IAH1: variants seen among roughly 807,000 people sequenced by gnomAD.
IAH1 encodes isoamyl acetate hydrolyzing esterase 1 (putative), also known as isoamyl acetate-hydrolyzing esterase 1 homolog.
In IAH1, 24 loss-of-function variants were observed where a neutral mutation model predicts 26.7. That is an observed-to-expected ratio of 0.90 (90% confidence interval 0.65 to 1.26). The LOEUF (loss-of-function observed/expected upper bound fraction) is 1.26, where lower values mean the gene tolerates loss of function less well. IAH1 is among the 50% of genes most tolerant of loss of function. The pLI, the probability that IAH1 is intolerant of heterozygous loss-of-function variation, is 0.00. For missense variants in IAH1, 300 were observed against 299.9 expected, an observed-to-expected ratio of 1.00 and a Z score of 0.00; for synonymous variants, 140 against 118.5, an observed-to-expected ratio of 1.18 and a Z score of -1.18.
chr2:9,508,135 C>T, the IAH1 span, among the ~76,000 whole-genome samples: 1 of 152,194 alleles, frequency 6.6e-6, no homozygotes, highest in Admixed American at 6.5e-5. Flanking sequence ...CTGACACTAT[C>T]CTCATAACCA....
the IAH1 span, chr2:9,510,230 A>G: frequency 7.8e-7 from 1 of 1,274,150 alleles, no homozygotes; most frequent in Non-Finnish European, 1.1e-6. Context: ...CCTTATAATC[A>G]GATCAACAAG....
exon 6 of IAH1, chr2:9,494,764 G>A: frequency 1.2e-6 from 2 of 1,613,900 alleles, no homozygotes; most frequent in Non-Finnish European, 8.5e-7. Context: ...GGAGTTGTCA[G>A]TTTCTGGAAC....
At chr2:9,493,808 T>C (rs756119780), downstream of IAH1, 1 of 1,613,994 alleles carries the variant, frequency 6.2e-7, no homozygotes, top group South Asian at 1.1e-5. Context: ...CATCCTGTAC[T>C]CGTTTCTCAC....
intron 6 of IAH1, among the ~76,000 whole-genome samples, chr2:9,495,669 G>A (rs139863827): frequency 0.018 from 2,703 of 150,580 alleles, 113 homozygotes; most frequent in African/African-American, 0.063. Context: ...ACCTGAGATC[G>A]CGCCACTGCA....
downstream of IAH1, among the ~76,000 whole-genome samples, chr2:9,491,642 C>G (rs762903926): frequency 6.6e-6 from 1 of 152,226 alleles, no homozygotes; most frequent in Non-Finnish European, 1.5e-5. Context: ...GCTGGAGGAA[C>G]TGGGCCTCAA....
the IAH1 span, among the ~76,000 whole-genome samples, chr2:9,510,347 T>C: frequency 6.6e-6 from 1 of 152,100 alleles, no homozygotes; most frequent in Non-Finnish European, 1.5e-5. Flanking sequence ...AGGGAGACCC[T>C]ATCTCTACAA....
the IAH1 span, among the ~76,000 whole-genome samples, chr2:9,511,377 G>A: frequency 2.7e-4 from 41 of 152,216 alleles, no homozygotes; most frequent in African/African-American, 9.1e-4. Flanking sequence ...TTGAACCCAG[G>A]AGGCGGAGGT....
chr2:9,495,646 G>A (rs1236561153), intron 6 of IAH1, among the ~76,000 whole-genome samples: 4 of 151,412 alleles, frequency 2.6e-5, no homozygotes, highest in Non-Finnish European at 4.4e-5. Flanking sequence ...CCCGGGAGGC[G>A]GAGGCTGCGG....
downstream of IAH1, among the ~76,000 whole-genome samples, chr2:9,494,351 C>T (rs1443965037): frequency 6.6e-6 from 1 of 152,096 alleles, no homozygotes; most frequent in Non-Finnish European, 1.5e-5. Flanking sequence ...TCTAGGAAAA[C>T]ATAATTAGGA....
downstream of IAH1, chr2:9,497,348 C>A: frequency 6.7e-7 from 1 of 1,488,206 alleles, no homozygotes; most frequent in Non-Finnish European, 9.0e-7. Flanking sequence ...AGCATCTTAC[C>A]TTGCAAAAGC....
chr2:9,500,152 T>TATCA (rs1662914740), downstream of IAH1, among the ~76,000 whole-genome samples: 2 of 152,194 alleles, frequency 1.3e-5, no homozygotes, highest in Non-Finnish European at 2.9e-5. Context: ...CCCAAATGTC[T>TATCA]ATCAACCAAT....
the IAH1 span, chr2:9,502,219 G>A: frequency 5.6e-5 from 90 of 1,613,934 alleles, no homozygotes; most frequent in Non-Finnish European, 6.9e-5. Flanking sequence ...TCGCCTCCTG[G>A]CACTTCTTCT....
At chr2:9,511,919 C>T in the IAH1 span, among the ~76,000 whole-genome samples, 2 of 151,636 alleles carry the variant, frequency 1.3e-5, no homozygotes, top group African/African-American at 2.4e-5. Context: ...TGCTGTGAGC[C>T]GAGATAGGCC....
At chr2:9,503,053 T>C in the IAH1 span, among the ~76,000 whole-genome samples, 11 of 146,808 alleles carry the variant, frequency 7.5e-5, 1 homozygote, top group Middle Eastern at 0.014. Flanking sequence ...GGCAGGAGAA[T>C]AGCTTGAACC....
At chr2:9,510,107 C>G in the IAH1 span, 1 of 1,614,180 alleles carries the variant, frequency 6.2e-7, no homozygotes, top group Non-Finnish European at 8.5e-7. Context: ...TGTCCCAATT[C>G]ATGAGTTGTA....
chr2:9,479,544 TC>T (rs1661031840), intron 3 of IAH1, among the ~76,000 whole-genome samples: 1 of 152,144 alleles, frequency 6.6e-6, no homozygotes, highest in South Asian at 2.1e-4. Context: ...TGAAAACTTA[TC>T]AAAAAATGCC....
At chr2:9,498,043 C>G (rs991205683), downstream of IAH1, among the ~76,000 whole-genome samples, 4 of 151,998 alleles carry the variant, frequency 2.6e-5, no homozygotes, top group African/African-American at 9.7e-5. Flanking sequence ...TTTTATTTTT[C>G]TTTTGAGACA....
At chr2:9,509,624 G>C in the IAH1 span, among the ~76,000 whole-genome samples, 1 of 152,148 alleles carries the variant, frequency 6.6e-6, no homozygotes, top group Non-Finnish European at 1.5e-5. Flanking sequence ...GTAAATTGTA[G>C]AGTTAAAATG....
the IAH1 span, among the ~76,000 whole-genome samples, chr2:9,506,016 C>G: frequency 1.3e-5 from 2 of 152,296 alleles, no homozygotes; most frequent in African/African-American, 4.8e-5. Flanking sequence ...TACAGAACCA[C>G]TAGGATAACT....
Sources: allele counts gnomAD v4.1 joint callset (sites outside exome capture counted in the v4.1 genomes callset), GRCh38; gene constraint gnomAD v4.1.1; transcripts MANE v1.5; gene names NCBI Gene and HGNC (gene_info 2026-07-23, HGNC 2026-07-21).